The following MEMO1 variants were observed in gnomAD, a reference collection of about 807,000 sequenced individuals.
MEMO1 encodes the protein protein MEMO1.
A neutral mutation model predicts 45.2 loss-of-function variants in MEMO1; 6 were observed. That is an observed-to-expected ratio of 0.13 (90% CI 0.07 to 0.26). MEMO1 has a LOEUF of 0.26. MEMO1 is among the 10% of genes least tolerant of loss of function. The pLI, the probability that MEMO1 is intolerant of heterozygous loss-of-function variation, is 1.00. For synonymous variants in MEMO1, 78 were observed against 124.3 expected (o/e 0.63, Z 2.48); for missense variants, 184 against 370.5 (o/e 0.50, Z 4.13).
intron 2 of MEMO1, among the ~76,000 whole-genome samples, chr2:31,954,814 A>G (rs757916171): frequency 6.6e-6 from 1 of 152,032 alleles, no homozygotes; most frequent in African/African-American, 2.4e-5. Flanking sequence ...AGCCTGGGCA[A>G]TAACAGCGAA....
intron 2 of MEMO1, among the ~76,000 whole-genome samples, chr2:31,992,524 C>T (rs1055213287): frequency 2.0e-5 from 3 of 152,202 alleles, no homozygotes; most frequent in Non-Finnish European, 4.4e-5. Flanking sequence ...TGGTTCACAC[C>T]TCTAATCCCA....
chr2:31,915,929 G>C (rs943446729), intron 6 of MEMO1, among the ~76,000 whole-genome samples: 1 of 152,066 alleles, frequency 6.6e-6, no homozygotes, highest in Non-Finnish European at 1.5e-5. Context: ...AAGAGGTTTT[G>C]TTACTTAGTA....
chr2:31,917,815 C>G (rs1413347948), intron 6 of MEMO1, 111 bp downstream of exon 6: 2 of 658,466 alleles, frequency 3.0e-6, no homozygotes, highest in Non-Finnish European at 4.7e-6. Flanking sequence ...AATTTTTTAT[C>G]TCACATCTTA....
At chr2:31,969,349 CATAT>C (rs557116880) in intron 2 of MEMO1, among the ~76,000 whole-genome samples, 8 of 143,298 alleles carry the variant, frequency 5.6e-5, no homozygotes, top group African/African-American at 2.1e-4. Context: ...ACACATTATA[CATAT>C]ATATGTTACG....
intron 6 of MEMO1, among the ~76,000 whole-genome samples, chr2:31,901,694 G>A (rs1450898300): frequency 6.6e-6 from 1 of 151,914 alleles, no homozygotes; most frequent in Non-Finnish European, 1.5e-5. Flanking sequence ...ATTGCCTGAG[G>A]TCAGGACTTT....
intron 2 of MEMO1, among the ~76,000 whole-genome samples, chr2:31,996,220 AAG>A (rs912945210): frequency 1.4e-5 from 2 of 148,068 alleles, no homozygotes; most frequent in Non-Finnish European, 1.5e-5. Context: ...GAGAGAGAGA[AAG>A]AGAGAGAGAG....
chr2:31,879,010 T>C (rs1007760221), intron 8 of MEMO1, among the ~76,000 whole-genome samples: 34 of 152,198 alleles, frequency 2.2e-4, no homozygotes, highest in African/African-American at 8.0e-4. Context: ...TTACTGGAAA[T>C]TCTGAAGTAA....
At chr2:31,994,213 G>A (rs1244303459) in intron 2 of MEMO1, among the ~76,000 whole-genome samples, 10 of 149,598 alleles carry the variant, frequency 6.7e-5, no homozygotes, top group Admixed American at 2.0e-4. Context: ...TGCCCACCTC[G>A]CCCTCCCAAA....
chr2:31,925,284 G>C (rs1482740310), intron 4 of MEMO1, among the ~76,000 whole-genome samples: 1 of 151,884 alleles, frequency 6.6e-6, no homozygotes, highest in Non-Finnish European at 1.5e-5. Context: ...GAGACCATCT[G>C]GCTAACATGG....
chr2:31,937,359 C>T (rs1023546612), intron 3 of MEMO1, among the ~76,000 whole-genome samples: 2 of 152,112 alleles, frequency 1.3e-5, no homozygotes, highest in Non-Finnish European at 1.5e-5. Context: ...TGTTGCATAT[C>T]TAGATATTTT....
At chr2:31,888,135 C>A (rs1022756920) in intron 7 of MEMO1, among the ~76,000 whole-genome samples, 1 of 151,988 alleles carries the variant, frequency 6.6e-6, no homozygotes, top group African/African-American at 2.4e-5. Flanking sequence ...ATTTGTAAAA[C>A]CACCATAAAA....
chr2:31,906,294 GT>G (rs1679720624), intron 6 of MEMO1, among the ~76,000 whole-genome samples: 2 of 149,902 alleles, frequency 1.3e-5, no homozygotes, highest in African/African-American at 4.9e-5. Context: ...TTTTGTTTTT[GT>G]TTTTGTTTTT....
intron 6 of MEMO1, among the ~76,000 whole-genome samples, chr2:31,900,555 T>C (rs940583933): frequency 5.3e-5 from 8 of 151,906 alleles, no homozygotes; most frequent in Non-Finnish European, 1.2e-4. Context: ...AGGGGAGGGA[T>C]AGCATTAGAA....
intron 2 of MEMO1, among the ~76,000 whole-genome samples, chr2:31,946,374 T>C (rs1479325891): frequency 6.6e-6 from 1 of 152,150 alleles, no homozygotes; most frequent in Non-Finnish European, 1.5e-5. Flanking sequence ...AATTTGTAAA[T>C]TCCCAAAGTA....
chr2:31,983,522 C>T (rs1456361549), intron 2 of MEMO1, among the ~76,000 whole-genome samples: 1 of 152,098 alleles, frequency 6.6e-6, no homozygotes, highest in Middle Eastern at 3.2e-3. Flanking sequence ...GCGACATCCG[C>T]CTTCCGGGTT....
At chr2:31,925,353 G>A (rs1377188818) in intron 4 of MEMO1, among the ~76,000 whole-genome samples, 4 of 151,862 alleles carry the variant, frequency 2.6e-5, no homozygotes, top group Admixed American at 2.6e-4. Flanking sequence ...GCACACGCCT[G>A]TAATCCCAGC....
intron 2 of MEMO1, among the ~76,000 whole-genome samples, chr2:31,972,385 G>C (rs1338624329): frequency 6.6e-6 from 1 of 152,018 alleles, no homozygotes; most frequent in Non-Finnish European, 1.5e-5. Flanking sequence ...ATTTAATAAA[G>C]ACATTACTAA....
intron 5 of MEMO1, among the ~76,000 whole-genome samples, chr2:31,918,809 A>T (rs1047157062): frequency 1.3e-5 from 2 of 152,150 alleles, no homozygotes; most frequent in African/African-American, 4.8e-5. Context: ...TAGATCCTTA[A>T]ATGGGTTTAC....
chr2:31,993,733 G>A (rs1672216419), intron 2 of MEMO1, among the ~76,000 whole-genome samples: 1 of 152,120 alleles, frequency 6.6e-6, no homozygotes, highest in African/African-American at 2.4e-5. Context: ...AATCATTGGA[G>A]CTATCACCAG....
Sources: gnomAD v4.1 joint callset for allele counts (sites outside exome capture counted in the v4.1 genomes callset) on GRCh38, gnomAD v4.1.1 for gene constraint, MANE v1.5 for transcripts, NCBI Gene and HGNC (gene_info 2026-07-23, HGNC 2026-07-21) for gene names.